The following KCNIP4 variants were observed in gnomAD, a reference collection of about 807,000 sequenced individuals.
KCNIP4 encodes Kv channel-interacting protein 4.
Under a neutral mutation model 34.0 loss-of-function variants are expected in KCNIP4, and 12 were observed. That is an observed-to-expected ratio of 0.35 (90% CI 0.23 to 0.57). The LOEUF is 0.57. Ranked by LOEUF, KCNIP4 falls within the 20% of genes least tolerant of loss-of-function variation. The pLI is 0.83. For missense variants in KCNIP4, 238 were observed against 311.7 expected, an observed-to-expected ratio of 0.76 and a Z score of 1.78; for synonymous variants, 124 against 102.2, an observed-to-expected ratio of 1.21 and a Z score of -1.29.
chr4:20,735,683 C>G (rs111737093), intron 5 of KCNIP4, among the ~76,000 whole-genome samples: 20 of 151,878 alleles, frequency 1.3e-4, no homozygotes, highest in African/African-American at 4.6e-4. Flanking sequence ...ACTACAGGCA[C>G]CCGCCACCAT....
At chr4:21,132,809 G>C (rs1751174864) in intron 1 of KCNIP4, among the ~76,000 whole-genome samples, 1 of 145,828 alleles carries the variant, frequency 6.9e-6, no homozygotes, top group African/African-American at 2.5e-5. Context: ...AGGAGTTCGA[G>C]ACCAGCCTGG....
chr4:21,290,010 AC>A (rs1400936554), intron 1 of KCNIP4, among the ~76,000 whole-genome samples: 1 of 152,190 alleles, frequency 6.6e-6, no homozygotes, highest in African/African-American at 2.4e-5. Flanking sequence ...CTTAGCAGGT[AC>A]AAAAAAAAAT....
chr4:20,781,875 C>T (rs1756904790), intron 3 of KCNIP4, among the ~76,000 whole-genome samples: 1 of 152,138 alleles, frequency 6.6e-6, no homozygotes, highest in Non-Finnish European at 1.5e-5. Flanking sequence ...CGAAAGTCCA[C>T]AGTCCAAAGT....
At chr4:20,786,666 A>G (rs540427197) in intron 3 of KCNIP4, among the ~76,000 whole-genome samples, 1 of 152,260 alleles carries the variant, frequency 6.6e-6, no homozygotes, top group South Asian at 2.1e-4. Context: ...AATAAAAAAG[A>G]CAATTTCTTG....
chr4:21,220,427 G>A (rs1757906377), intron 1 of KCNIP4, among the ~76,000 whole-genome samples: 2 of 152,138 alleles, frequency 1.3e-5, no homozygotes, highest in South Asian at 4.1e-4. Context: ...GGAGACGGGG[G>A]AGGGATAGCG....
intron 1 of KCNIP4, among the ~76,000 whole-genome samples, chr4:21,373,264 A>C (rs1270201440): frequency 6.8e-6 from 1 of 146,802 alleles, no homozygotes; most frequent in Non-Finnish European, 1.5e-5. Context: ...TGAGGGTTGC[A>C]GTGAGTTATC....
At chr4:21,667,990 C>G (rs915684242) in intron 1 of KCNIP4, among the ~76,000 whole-genome samples, 1 of 151,956 alleles carries the variant, frequency 6.6e-6, no homozygotes, top group Admixed American at 6.6e-5. Context: ...CAATGCCTGT[C>G]AATAATAGAC....
At chr4:21,144,000 G>A (rs555081293) in intron 1 of KCNIP4, among the ~76,000 whole-genome samples, 16 of 152,160 alleles carry the variant, frequency 1.1e-4, no homozygotes, top group Admixed American at 3.9e-4. Context: ...GAGCCACCGC[G>A]CCAGGCCCAG....
intron 1 of KCNIP4, among the ~76,000 whole-genome samples, chr4:21,166,777 A>G (rs1022505918): frequency 1.3e-5 from 2 of 151,942 alleles, no homozygotes; most frequent in Non-Finnish European, 2.9e-5. Context: ...CGTCTCTGCT[A>G]AAAATACAAA....
chr4:21,781,924 C>T (rs754305932), intron 1 of KCNIP4, among the ~76,000 whole-genome samples: 1 of 151,706 alleles, frequency 6.6e-6, no homozygotes, highest in Non-Finnish European at 1.5e-5. Flanking sequence ...ATAGCTAGAG[C>T]AACCACTAGA....
At chr4:21,566,653 C>G (rs1383736504) in intron 1 of KCNIP4, among the ~76,000 whole-genome samples, 1 of 152,096 alleles carries the variant, frequency 6.6e-6, no homozygotes, top group Admixed American at 6.6e-5. Context: ...TTCTTCATAT[C>G]AATGTGAGAA....
chr4:21,917,246 T>C (rs1018825728), intron 1 of KCNIP4, among the ~76,000 whole-genome samples: 5 of 152,132 alleles, frequency 3.3e-5, no homozygotes, highest in Non-Finnish European at 7.3e-5. Flanking sequence ...ACGATTCTCC[T>C]GCCTCAGCCT....
At chr4:21,001,529 C>T (rs77293261) in intron 1 of KCNIP4, among the ~76,000 whole-genome samples, 2,345 of 152,260 alleles carry the variant, frequency 0.015, 72 homozygotes, top group African/African-American at 0.054. Context: ...AGTGGCCTAC[C>T]TCCTCCTGTT....
At chr4:21,335,578 G>T (rs1252707260) in intron 1 of KCNIP4, among the ~76,000 whole-genome samples, 2 of 152,126 alleles carry the variant, frequency 1.3e-5, no homozygotes, top group Non-Finnish European at 2.9e-5. Flanking sequence ...CAGTTATTTT[G>T]TTCAGAGTTA....
chr4:21,575,357 C>T (rs1278366531), intron 1 of KCNIP4, among the ~76,000 whole-genome samples: 2 of 152,126 alleles, frequency 1.3e-5, no homozygotes, highest in Non-Finnish European at 2.9e-5. Context: ...ATAGTTCCTA[C>T]ATTAGGGGTT....
At chr4:21,718,990 A>G (rs1184005673) in intron 1 of KCNIP4, 1 of 152,216 alleles carries the variant, frequency 6.6e-6, no homozygotes, top group Non-Finnish European at 1.5e-5. Context: ...TCATTTTAAG[A>G]TGACAGCACT....
chr4:21,352,919 T>C lies in KCNIP4; in HGVS notation c.62-470210A>G, dbSNP rs186010728. Among the ~76,000 whole-genome samples the C allele has an allele frequency of 1.5e-3, 230 of 152,292 alleles. 3 individuals are homozygous for C. The highest frequency in any genetic ancestry group is 5.1e-3 in the African/African-American group (214 of 41,572). On this transcript the variant is annotated intron_variant, in intron 1 of 8. Transcript: ENST00000382152. Reference sequence around the variant, plus strand: ...GGTGGGTGCCCCTCTGGGATGAAGCTTCCAGAGGAAGGATCAGACAGCAAC... The same window carrying C: ...GGTGGGTGCCCCTCTGGGATGAAGCCTCCAGAGGAAGGATCAGACAGCAAC...
chr4:21,649,773 T>A (rs1197020227), intron 1 of KCNIP4, among the ~76,000 whole-genome samples: 2 of 152,230 alleles, frequency 1.3e-5, no homozygotes, highest in Non-Finnish European at 2.9e-5. Flanking sequence ...TTGGTGAATT[T>A]TTTTATACAA....
rs1481424904 is a variant in KCNIP4, at chr4:20,858,165, C to T, written c.164-7498G>A. Among the ~76,000 whole-genome samples the T allele has an allele frequency of 2.2e-5, 3 of 136,970 alleles. No individual in the cohort carries two copies. In the Admixed American group the frequency reaches 2.4e-4, roughly 11 times the overall value. The allele number at this position is 136,970 out of a possible 152,430, so 89.9% of individuals were successfully genotyped here. The stretch of plus-strand genomic sequence containing the variant: ...GGCAGAGGTTGCAGTGAGCCGAGAT[C>T]TCGCTACTGCACTCCAGCTTGGGCA... On this transcript the variant is annotated intron_variant, in intron 2 of 8. Transcript: ENST00000382152.
Sources: gnomAD v4.1 joint callset for allele counts (sites outside exome capture counted in the v4.1 genomes callset) on GRCh38, gnomAD v4.1.1 for gene constraint, MANE v1.5 for transcripts, NCBI Gene and HGNC (gene_info 2026-07-23, HGNC 2026-07-21) for gene names.